Variants in NAV1 observed in about 807,000 individuals in gnomAD.
NAV1 encodes pore membrane and/or filament interacting like protein 3.
Under a neutral mutation model 175.2 loss-of-function variants are expected in NAV1, and 18 were observed. The ratio of observed to expected loss-of-function variants is 0.10; its 90% CI spans 0.07 to 0.15. NAV1 has a LOEUF of 0.15. Ranked by LOEUF, NAV1 falls within the 10% of genes least tolerant of loss-of-function variation. The pLI is 1.00. For missense variants in NAV1, 1,731 were observed against 2,436.6 expected (o/e 0.71, Z 6.10); for synonymous variants, 897 against 978.7 (o/e 0.92, Z 1.56).
chr1:201,805,662 C>T (rs1678226571), intron 17 of NAV1, among the ~76,000 whole-genome samples: 1 of 152,172 alleles, frequency 6.6e-6, no homozygotes, highest in African/African-American at 2.4e-5. Context: ...GTGGCTCAGG[C>T]CTGTAATCCC....
At chr1:201,736,370 C>A (rs1039797381) in intron 3 of NAV1, among the ~76,000 whole-genome samples, 1 of 152,196 alleles carries the variant, frequency 6.6e-6, no homozygotes, top group African/African-American at 2.4e-5. Flanking sequence ...TTAGAGCACA[C>A]CAAACTGCTT....
At chr1:201,783,719 C>T (rs1676499399) in exon 7 of NAV1, 2 of 1,614,076 alleles carry the variant, frequency 1.2e-6, no homozygotes, top group Middle Eastern at 1.6e-4. Flanking sequence ...CCTCCAGATG[C>T]CAATGAGCCT....
chr1:201,571,186 G>A (rs1458524567), intron 1 of NAV1, among the ~76,000 whole-genome samples: 3 of 152,194 alleles, frequency 2.0e-5, no homozygotes, highest in Admixed American at 6.5e-5. Context: ...AAGCACAATT[G>A]CCATCATGGT....
At chr1:201,716,441 C>T (rs1672142800) in intron 2 of NAV1, among the ~76,000 whole-genome samples, 1 of 152,218 alleles carries the variant, frequency 6.6e-6, no homozygotes, top group South Asian at 2.1e-4. Context: ...GCAAGGCAGA[C>T]AAAGTCGCAC....
intron 1 of NAV1, among the ~76,000 whole-genome samples, chr1:201,569,806 CCTT>C (rs1208813903): frequency 6.6e-6 from 1 of 152,212 alleles, no homozygotes; most frequent in African/African-American, 2.4e-5. Flanking sequence ...CACCTGGACA[CCTT>C]CTTCTAAGGC....
Position 201,788,579 on chromosome 1 carries a change from T to C in NAV1, c.3107T>C (p.Leu1036Pro). ...TCCCAAATGGGGAGCACCCTGTCCCTGGCCGAGAGACCCAAGGGAATGATT... is the reference window on the plus strand; with the variant it reads ...TCCCAAATGGGGAGCACCCTGTCCCCGGCCGAGAGACCCAAGGGAATGATT... Residue 1036 changes from leucine (L) to proline (P), a missense_variant, in exon 10 of 30, where the codon CTG (leucine) becomes CCG (proline). Coordinates refer to ENST00000367296, the Ensembl canonical transcript of NAV1. This position sits in a 1 kb window ranked among gnomAD's most constrained non-coding sequence, Gnocchi z 5.7. 2 of 1,614,134 alleles carry C rather than the reference T, an allele frequency of 1.2e-6. No individual in the cohort carries two copies. The highest frequency in any genetic ancestry group is 1.7e-6 in the Non-Finnish European group (2 of 1,180,024).
rs1671402241 is a variant in NAV1, at chr1:201,701,036, AG to A, written c.758-11780del. Among the ~76,000 whole-genome samples the A allele has an allele frequency of 4.1e-5, 6 of 145,136 alleles. No individual in the cohort carries two copies. The South Asian group carries it at 1.4e-3, about 33-fold the overall frequency. ...AAAAAAAAAAAAAAAAAAAAAAGAAAGAAAAGAAAATGTGGCACTTGTACAC... is the reference window on the plus strand; with the variant it reads ...AAAAAAAAAAAAAAAAAAAAAAGAAAAAAAGAAAATGTGGCACTTGTACAC... On this transcript the variant is annotated intron_variant, in intron 1 of 29. Transcript: ENST00000367296.
intron 24 of NAV1, among the ~76,000 whole-genome samples, chr1:201,811,093 C>G (rs1311698172): frequency 6.6e-6 from 1 of 152,160 alleles, no homozygotes; most frequent in African/African-American, 2.4e-5. Flanking sequence ...CTCCTCATTT[C>G]TACCCCACTG....
intron 3 of NAV1, among the ~76,000 whole-genome samples, chr1:201,731,914 G>A (rs1254388779): frequency 6.6e-6 from 1 of 152,176 alleles, no homozygotes; most frequent in African/African-American, 2.4e-5. Context: ...GGCCCTGGGG[G>A]ATAGCCAGCT....
rs1676515526 is a variant in NAV1 at position 201,783,863 on chromosome 1, A to G, written c.2804+11A>G. 4.4e-6 allele frequency: 7 copies of G among 1,594,324 alleles called. No homozygotes were observed. Among genetic ancestry groups the G allele is most frequent in the African/African-American group, 1.3e-5 (1 of 74,424 alleles). ...TGGGCAACTGGACAGGTAGGTAGAA[A>G]AGACAGCAGAACCTCGGCCTGTCTC... On this transcript the variant is annotated intron_variant, in intron 7 of 29. Transcript: ENST00000367296.
chr1:201,549,052 C>T (rs904653822), intron 1 of NAV1, among the ~76,000 whole-genome samples: 2 of 152,160 alleles, frequency 1.3e-5, no homozygotes, highest in African/African-American at 4.8e-5. Flanking sequence ...GGAAGGCAGG[C>T]TTTAAATTCA....
intron 1 of NAV1, among the ~76,000 whole-genome samples, chr1:201,653,295 G>A (rs1432153405): frequency 1.3e-5 from 2 of 152,202 alleles, no homozygotes; most frequent in East Asian, 1.9e-4. Flanking sequence ...GGCAAAGTGA[G>A]ACAGCTAAGA....
chr1:201,810,888 G>A lies in NAV1; in HGVS notation c.4797+130G>A, dbSNP rs1465479677. On this transcript the variant is annotated intron_variant, in intron 24 of 29. Coordinates refer to ENST00000367296, the Ensembl canonical transcript of NAV1. This position sits in a 1 kb window ranked among gnomAD's most constrained non-coding sequence, Gnocchi z 6.0. ...TGCCTTCATCTTTCTTCTCTTCTGTGTTCATTTCCTTCCCTCTCTATCTAT... is the reference window on the plus strand; with the variant it reads ...TGCCTTCATCTTTCTTCTCTTCTGTATTCATTTCCTTCCCTCTCTATCTAT... The A allele has an allele frequency of 1.5e-6, 1 of 678,096 alleles. No individual in the cohort carries two copies. Among genetic ancestry groups the A allele is most frequent in the Admixed American group, 2.6e-5 (1 of 37,774 alleles). 42.0% of individuals were successfully genotyped at this position (678,096 alleles called of 1,614,324 possible). A position where few individuals can be genotyped will look rare whatever the true frequency, so the allele number is the denominator to read the frequency against.
intron 1 of NAV1, among the ~76,000 whole-genome samples, chr1:201,653,368 A>G (rs912357266): frequency 6.6e-6 from 1 of 152,158 alleles, no homozygotes; most frequent in Non-Finnish European, 1.5e-5. Context: ...TCTTCATCTC[A>G]AAGGTGTCTG....
intron 2 of NAV1, among the ~76,000 whole-genome samples, chr1:201,600,643 T>C (rs1203009309): frequency 6.6e-6 from 1 of 150,886 alleles, no homozygotes; most frequent in Non-Finnish European, 1.5e-5. Flanking sequence ...TACTTCAAAA[T>C]AAAAACTCAA....
intron 15 of NAV1, chr1:201,797,309 G>A (rs1163707630): frequency 5.3e-5 from 8 of 152,100 alleles, no homozygotes; most frequent in Non-Finnish European, 1.2e-4. Flanking sequence ...TTTCATTCTA[G>A]ACTTTCAGTT....
chr1:201,602,651 G>T (rs372429175), intron 2 of NAV1, among the ~76,000 whole-genome samples: 2,347 of 112,728 alleles, frequency 0.021, 39 homozygotes, highest in South Asian at 0.068. Flanking sequence ...TTTTTTTTTG[G>T]TTTTTTTTTT....
At chr1:201,653,488 T>C (rs936664881) in intron 1 of NAV1, among the ~76,000 whole-genome samples, 5 of 151,244 alleles carry the variant, frequency 3.3e-5, no homozygotes, top group African/African-American at 1.2e-4. Flanking sequence ...AGTTGATTGA[T>C]GTGAATTTTT....
intron 2 of NAV1, among the ~76,000 whole-genome samples, chr1:201,630,417 C>T (rs1668451944): frequency 1.3e-5 from 2 of 152,222 alleles, no homozygotes; most frequent in Non-Finnish European, 2.9e-5. Flanking sequence ...CTCCAGCGGG[C>T]CAAGCTGGGG....
Sources: allele counts gnomAD v4.1 joint callset (sites outside exome capture counted in the v4.1 genomes callset), GRCh38; gene constraint gnomAD v4.1.1; non-coding constraint Gnocchi (gnomAD v3.1); transcripts MANE v1.5; gene names NCBI Gene and HGNC (gene_info 2026-07-23, HGNC 2026-07-21).